LRRC37A2: variants seen among roughly 807,000 people sequenced by gnomAD.
LRRC37A2 encodes leucine-rich repeat-containing protein 37A2.
A neutral mutation model predicts 68.8 loss-of-function variants in LRRC37A2; 9 were observed. The observed-to-expected ratio is 0.13, with a 90% CI of 0.08 to 0.23. The LOEUF is 0.23. Ranked by LOEUF, LRRC37A2 falls within the 10% of genes least tolerant of loss-of-function variation. The pLI is 1.00. For synonymous variants in LRRC37A2, 63 were observed against 367.6 expected (o/e 0.17, Z 9.48); for missense variants, 168 against 950.4 (o/e 0.18, Z 10.82).
At chr17:46,824,258 TA>T in the LRRC37A2 span, among the ~76,000 whole-genome samples, 1 of 152,222 alleles carries the variant, frequency 6.6e-6, no homozygotes, top group Non-Finnish European at 1.5e-5. Flanking sequence ...CACATATTAT[TA>T]TTTTTTTGAG....
chr17:46,490,791 A>C, the LRRC37A2 span, among the ~76,000 whole-genome samples: 1 of 150,652 alleles, frequency 6.6e-6, no homozygotes, highest in Non-Finnish European at 1.5e-5. Flanking sequence ...TAATGTAGAA[A>C]ATTTAGAAAA....
chr17:46,845,981 G>A, the LRRC37A2 span, among the ~76,000 whole-genome samples: 1 of 151,902 alleles, frequency 6.6e-6, no homozygotes, highest in Non-Finnish European at 1.5e-5. Context: ...AGCAGAGATG[G>A]GGTTTTGCCA....
chr17:46,980,839 AAT>A, the LRRC37A2 span, among the ~76,000 whole-genome samples: 1 of 151,854 alleles, frequency 6.6e-6, no homozygotes. Context: ...TCTCAAAAAA[AAT>A]AAAATAAAAT....
At chr17:46,876,240 C>A in the LRRC37A2 span, 2 of 1,599,136 alleles carry the variant, frequency 1.3e-6, no homozygotes, top group East Asian at 2.2e-5. Flanking sequence ...CTGCCTCCCC[C>A]ACAGGCTGTG....
At chr17:46,932,677 C>T in the LRRC37A2 span, 1 of 236,270 alleles carries the variant, frequency 4.2e-6, no homozygotes, top group African/African-American at 2.3e-5. Flanking sequence ...AATTTGTTAA[C>T]AGATGTTTAG....
chr17:47,018,932 C>A, the LRRC37A2 span: 31 of 1,519,616 alleles, frequency 2.0e-5, no homozygotes, highest in Non-Finnish European at 2.7e-6. Flanking sequence ...AAGTTGTACC[C>A]CAACTTCGAA....
chr17:46,467,717 T>C, the LRRC37A2 span, among the ~76,000 whole-genome samples: 1 of 104,596 alleles, frequency 9.6e-6, no homozygotes, highest in East Asian at 2.4e-4. Context: ...AGGATATATA[T>C]GTGTGTTACA....
At chr17:46,874,991 G>A in the LRRC37A2 span, 40 of 1,548,460 alleles carry the variant, frequency 2.6e-5, no homozygotes, top group Admixed American at 6.7e-5. Flanking sequence ...CCATCACAGC[G>A]CTGCCACCAC....
the LRRC37A2 span, chr17:46,929,531 A>G: frequency 6.4e-7 from 1 of 1,552,294 alleles, no homozygotes; most frequent in Non-Finnish European, 8.9e-7. Context: ...CAGGTCCACG[A>G]GATCCAGTCT....
chr17:46,856,440 T>A, the LRRC37A2 span, among the ~76,000 whole-genome samples: 1 of 152,156 alleles, frequency 6.6e-6, no homozygotes, highest in Admixed American at 6.6e-5. Flanking sequence ...AATCTTTATT[T>A]TCCCCCCAAA....
At chr17:46,737,566 T>C in the LRRC37A2 span, among the ~76,000 whole-genome samples, 1 of 97,166 alleles carries the variant, frequency 1.0e-5, no homozygotes, top group Non-Finnish European at 2.4e-5. Context: ...ACCTAGGGTG[T>C]GTGTGCGTGT....
chr17:46,773,619 T>TG, the LRRC37A2 span: 1 of 549,848 alleles, frequency 1.8e-6, no homozygotes, highest in Non-Finnish European at 3.2e-6. Flanking sequence ...ACAGTCCTGA[T>TG]CCCTCCCCCC....
chr17:46,893,864 G>T, the LRRC37A2 span, among the ~76,000 whole-genome samples: 1 of 152,180 alleles, frequency 6.6e-6, no homozygotes, highest in Admixed American at 6.5e-5. Context: ...GTCCCTGGTG[G>T]GGCCAGAGCA....
chr17:46,857,465 ACT>A, the LRRC37A2 span, among the ~76,000 whole-genome samples: 7 of 125,970 alleles, frequency 5.6e-5, no homozygotes, highest in South Asian at 2.5e-4. Context: ...ACAGAGCAAG[ACT>A]CTGTCTCAAA....
At chr17:46,966,549 A>G in the LRRC37A2 span, 4 of 695,348 alleles carry the variant, frequency 5.8e-6, no homozygotes, top group African/African-American at 3.5e-5. Flanking sequence ...AGGTCTCACC[A>G]TGTTGCCCAG....
chr17:47,026,762 A>G, the LRRC37A2 span, among the ~76,000 whole-genome samples: 3 of 152,216 alleles, frequency 2.0e-5, no homozygotes, highest in South Asian at 2.1e-4. Context: ...TTCTATTAAT[A>G]TGATTTGAAT....
chr17:46,943,907 G>A, the LRRC37A2 span, among the ~76,000 whole-genome samples: 4 of 152,192 alleles, frequency 2.6e-5, no homozygotes, highest in African/African-American at 9.6e-5. Flanking sequence ...CGATCCCTCG[G>A]TCTGATGGTC....
the LRRC37A2 span, among the ~76,000 whole-genome samples, chr17:46,778,275 C>T: frequency 2.0e-5 from 3 of 152,308 alleles, no homozygotes; most frequent in African/African-American, 7.2e-5. Flanking sequence ...CCTCAGTCCT[C>T]ACAGGGGTGG....
chr17:46,901,049 A>C, the LRRC37A2 span, among the ~76,000 whole-genome samples: 1 of 152,250 alleles, frequency 6.6e-6, no homozygotes, highest in Admixed American at 6.5e-5. Context: ...GCATTAAAAG[A>C]AGATTTATCT....
Sources: gnomAD v4.1 joint callset for allele counts (sites outside exome capture counted in the v4.1 genomes callset) on GRCh38, gnomAD v4.1.1 for gene constraint, MANE v1.5 for transcripts, NCBI Gene and HGNC (gene_info 2026-07-23, HGNC 2026-07-21) for gene names.